Variants in SLC35F1 observed in about 807,000 individuals in gnomAD.
SLC35F1 encodes the protein chromosome 6 open reading frame 169.
SLC35F1 carries 14 observed loss-of-function variants against 48.7 expected under a neutral mutation model. The observed-to-expected ratio is 0.29, with a 90% CI of 0.19 to 0.45. The LOEUF (loss-of-function observed/expected upper bound fraction) is 0.45. Among genes scored for constraint, SLC35F1 ranks in the 20% least tolerant of loss-of-function variants. The pLI, the probability that SLC35F1 is intolerant of heterozygous loss-of-function variation, is 1.00. For missense variants in SLC35F1, 404 were observed against 500.0 expected (o/e 0.81, Z 1.83); for synonymous variants, 190 against 202.2 (o/e 0.94, Z 0.51).
At chr6:118,029,378 G>C (rs1772006657) in intron 1 of SLC35F1, among the ~76,000 whole-genome samples, 1 of 151,740 alleles carries the variant, frequency 6.6e-6, no homozygotes, top group African/African-American at 2.4e-5. Flanking sequence ...GAGAGAGAGA[G>C]AGAGACAGAG....
intron 1 of SLC35F1, among the ~76,000 whole-genome samples, chr6:118,042,663 G>C (rs1288155349): frequency 6.6e-6 from 1 of 152,196 alleles, no homozygotes; most frequent in African/African-American, 2.4e-5. Context: ...CTTGAATAGG[G>C]AGAGAAGATG....
intron 2 of SLC35F1, among the ~76,000 whole-genome samples, chr6:118,217,460 C>T (rs1176210618): frequency 2.0e-5 from 3 of 152,092 alleles, no homozygotes; most frequent in African/African-American, 7.2e-5. Context: ...AGAACAATGG[C>T]TCCTAATGGC....
chr6:118,283,779 G>C (rs1776014060), intron 6 of SLC35F1, among the ~76,000 whole-genome samples: 1 of 152,060 alleles, frequency 6.6e-6, no homozygotes, highest in Non-Finnish European at 1.5e-5. Flanking sequence ...ATTTTTAGTA[G>C]TTTGGTTAAA....
intron 1 of SLC35F1, among the ~76,000 whole-genome samples, chr6:117,948,626 G>A (rs903182698): frequency 3.9e-5 from 6 of 152,100 alleles, no homozygotes; most frequent in Admixed American, 1.3e-4. Flanking sequence ...AAGAGCTCTG[G>A]CTGCTGTAAA....
intron 7 of SLC35F1, among the ~76,000 whole-genome samples, chr6:118,304,114 T>C (rs1485177683): frequency 2.0e-5 from 3 of 152,232 alleles, no homozygotes; most frequent in Non-Finnish European, 4.4e-5. Flanking sequence ...GTTACTCATA[T>C]ATGCTCATGG....
At chr6:118,124,623 A>G (rs2114408431) in intron 1 of SLC35F1, among the ~76,000 whole-genome samples, 1 of 152,228 alleles carries the variant, frequency 6.6e-6, no homozygotes, top group Non-Finnish European at 1.5e-5. Context: ...GGCTGACAAG[A>G]CCTGCATTGG....
intron 1 of SLC35F1, among the ~76,000 whole-genome samples, chr6:117,924,070 CACATGCATATGTATATACACACATAGGT>C: frequency 6.7e-6 from 1 of 148,936 alleles, no homozygotes; most frequent in African/African-American, 2.5e-5. Context: ...CACATAGGTA[CACATGCATATGTATATACACACATAGGT>C]ACACATGCAT....
At chr6:118,143,861 T>A (rs1773929723) in intron 1 of SLC35F1, among the ~76,000 whole-genome samples, 1 of 152,128 alleles carries the variant, frequency 6.6e-6, no homozygotes, top group African/African-American at 2.4e-5. Flanking sequence ...GGAAAATGAG[T>A]CTCAGCTAGT....
At chr6:118,239,910 G>A (rs1775414158) in intron 3 of SLC35F1, among the ~76,000 whole-genome samples, 1 of 152,134 alleles carries the variant, frequency 6.6e-6, no homozygotes, top group Admixed American at 6.6e-5. Context: ...TAAGTGATCA[G>A]AACAGAAGGC....
chr6:118,258,026 G>T (rs1775667987), intron 3 of SLC35F1, among the ~76,000 whole-genome samples: 1 of 152,028 alleles, frequency 6.6e-6, no homozygotes, highest in African/African-American at 2.4e-5. Flanking sequence ...ATGAGTTAAG[G>T]TAATTATTTG....
intron 1 of SLC35F1, among the ~76,000 whole-genome samples, chr6:118,021,731 C>T (rs191018152): frequency 1.6e-4 from 24 of 152,244 alleles, no homozygotes; most frequent in Admixed American, 5.9e-4. Flanking sequence ...ATTTTATTGG[C>T]GCATGATTTT....
chr6:118,030,085 G>T (rs1772023224), intron 1 of SLC35F1, among the ~76,000 whole-genome samples: 1 of 152,184 alleles, frequency 6.6e-6, no homozygotes, highest in African/African-American at 2.4e-5. Flanking sequence ...AGCGAGAGAT[G>T]ACATATTAAA....
At chr6:118,030,942 G>T (rs9372493) in intron 1 of SLC35F1, among the ~76,000 whole-genome samples, 44,753 of 151,746 alleles carry the variant, frequency 0.29, 7,297 homozygotes, top group East Asian at 0.47. Context: ...CAAATCTTTG[G>T]AATTTATTTT....
intron 1 of SLC35F1, among the ~76,000 whole-genome samples, chr6:117,934,900 AG>A (rs66489328): frequency 0.072 from 10,886 of 152,150 alleles, 1,304 homozygotes; most frequent in African/African-American, 0.25. Flanking sequence ...TGAGGTCAGG[AG>A]TTCGAGACCC....
intron 1 of SLC35F1, among the ~76,000 whole-genome samples, chr6:118,007,444 C>A (rs1176708166): frequency 3.3e-5 from 5 of 152,154 alleles, no homozygotes; most frequent in African/African-American, 1.2e-4. Flanking sequence ...TGGTCTTCCA[C>A]CAAGCTGTAA....
At chr6:117,911,779 T>A (rs2114793862) in intron 1 of SLC35F1, among the ~76,000 whole-genome samples, 1 of 152,106 alleles carries the variant, frequency 6.6e-6, no homozygotes, top group South Asian at 2.1e-4. Flanking sequence ...TAGTATATAT[T>A]ACCCTGCCAC....
intron 1 of SLC35F1, among the ~76,000 whole-genome samples, chr6:117,967,537 T>A (rs1265749878): frequency 2.0e-5 from 3 of 152,204 alleles, no homozygotes; most frequent in African/African-American, 7.2e-5. Context: ...CACTTCAAGA[T>A]AACGTTTGTT....
chr6:118,084,429 T>C (rs986615238), intron 1 of SLC35F1, among the ~76,000 whole-genome samples: 1 of 152,168 alleles, frequency 6.6e-6, no homozygotes, highest in African/African-American at 2.4e-5. Flanking sequence ...TAGATGTTTC[T>C]AAACGATACA....
At chr6:118,071,747 C>A (rs1316637037) in intron 1 of SLC35F1, among the ~76,000 whole-genome samples, 1 of 152,154 alleles carries the variant, frequency 6.6e-6, no homozygotes, top group Non-Finnish European at 1.5e-5. Context: ...TTAAGAGCGT[C>A]TCCATTGTCT....
Sources: allele counts gnomAD v4.1 joint callset (sites outside exome capture counted in the v4.1 genomes callset), GRCh38; gene constraint gnomAD v4.1.1; transcripts MANE v1.5; gene names NCBI Gene and HGNC (gene_info 2026-07-23, HGNC 2026-07-21).